The following EN2 variants were observed in gnomAD, a reference collection of about 807,000 sequenced individuals.
The protein encoded by EN2 is engrailed homeobox 2, also known as homeobox protein engrailed-2.
In EN2, 7 loss-of-function variants were observed where a neutral mutation model predicts 25.0. The ratio of observed to expected loss-of-function variants is 0.28; its 90% CI spans 0.16 to 0.53. The LOEUF (loss-of-function observed/expected upper bound fraction) is 0.53, where lower values mean the gene tolerates loss of function less well. Ranked by LOEUF, EN2 falls within the 20% of genes least tolerant of loss-of-function variation. The pLI, the probability that EN2 is intolerant of heterozygous loss-of-function variation, is 0.96. For missense variants in EN2, 524 were observed against 501.8 expected (o/e 1.04, Z -0.42); for synonymous variants, 277 against 243.3 (o/e 1.14, Z -1.29).
chr7:155,459,093 C>G (rs1047639677), intron 1 of EN2, 31 bp downstream of exon 1: 27 of 1,537,330 alleles, frequency 1.8e-5, no homozygotes, highest in Admixed American at 3.9e-5. Context: ...CGTCCCGGCT[C>G]GCCGCGGGGA....
In EN2 at chr7:155,464,370, C is replaced by G. The variant is rs1325010393; in HGVS notation, c.*1683C>G. ...CCAGGGGGTGTGCCCACGGCTGACC[C>G]AGGGGTGTGCACACGGCTGAGCTGG... On this transcript the variant is annotated 3_prime_UTR_variant, in exon 2 of 2. Transcript: ENST00000297375. The G allele has an allele frequency of 6.6e-6, 1 of 152,496 alleles. No individual in the cohort carries two copies. The highest frequency in any genetic ancestry group is 2.4e-5 in the African/African-American group (1 of 41,432). The allele number at this position is 152,496 out of a possible 1,614,324, so 9.4% of individuals were successfully genotyped here. A position where few individuals can be genotyped will look rare whatever the true frequency, so the allele number is the denominator to read the frequency against.
In EN2 at chr7:155,458,561, C is replaced by T. The variant is rs1308345689; in HGVS notation, c.184C>T (p.His62Tyr). The change falls in exon 1 of 2, where the codon CAC becomes TAC. Residue 62 changes from histidine (H) to tyrosine (Y), a missense_variant. Transcript: ENST00000297375. Reference protein sequence around the residue: ...AVLQAPGNHQHPHRITNFFID... With the variant: ...AVLQAPGNHQYPHRITNFFID... The stretch of plus-strand genomic sequence containing the variant: ...CCTGCAGGCGCCCGGCAACCACCAG[C>T]ACCCGCACCGCATCACCAACTTCTT... 2.1e-6 allele frequency: 3 copies of T among 1,461,104 alleles called. No homozygotes were observed. The highest frequency in any genetic ancestry group is 2.7e-6 in the Non-Finnish European group (3 of 1,103,680). 90.5% of individuals were successfully genotyped at this position (1,461,104 alleles called of 1,614,324 possible). A position where few individuals can be genotyped will look rare whatever the true frequency, so the allele number is the denominator to read the frequency against.
Position 155,458,428 on chromosome 7 carries a change from A to T in EN2, c.51A>T (p.Gly17=). ...GCGAAGCAGCGGCGGCGGTGGAGGG[A>T]CAGCGGCAGCCGGAATCCAGCCCCG... is the stretch of plus-strand genomic sequence containing the variant. ...KPGEAAAAVE[G]QRQPESSPGG... The change falls in exon 1 of 2, where the codon GGA becomes GGT. Residue 17 remains glycine, a synonymous_variant. Transcript: ENST00000297375. 1.5e-6 allele frequency: 2 copies of T among 1,304,294 alleles called. No individual in the cohort carries two copies. The allele number at this position is 1,304,294 out of a possible 1,614,324, so 80.8% of individuals were successfully genotyped here.
chr7:155,462,716 T>A lies in EN2; in HGVS notation c.*29T>A, dbSNP rs777673362. The A allele has an allele frequency of 1.9e-6, 3 of 1,545,250 alleles. No homozygotes were observed. Among genetic ancestry groups the A allele is most frequent in the South Asian group, 2.4e-5 (2 of 84,046 alleles). On this transcript the variant is annotated 3_prime_UTR_variant, in exon 2 of 2. Coordinates refer to ENST00000297375, the MANE Select transcript of EN2 (RefSeq NM_001427.4). The stretch of plus-strand genomic sequence containing the variant: ...GGGGGGCATGGAGGCCAGGTCTCAG[T>A]CCGCGCTAAACAATGCAATAATTTA...
intron 1 of EN2, among the ~76,000 whole-genome samples, chr7:155,459,343 T>A (rs967679653): frequency 1.3e-5 from 2 of 152,086 alleles, no homozygotes; most frequent in Non-Finnish European, 2.9e-5. Context: ...TCTCCCTGTC[T>A]CCCCTCTCTG....
At position 155,458,961 on chromosome 7, in the gene EN2, C is replaced by G. The variant is rs1322645611; in HGVS notation, c.584C>G (p.Ser195Trp). ...GLGGGDLSVS[S>W]DSDSSQAGAN... Reference sequence around the variant, plus strand: ...GGCGGCGGCGACCTGTCGGTGAGCTCGGACTCGGACAGCTCGCAAGCCGGC... The same window carrying G: ...GGCGGCGGCGACCTGTCGGTGAGCTGGGACTCGGACAGCTCGCAAGCCGGC... The change falls in exon 1 of 2, where the codon TCG (serine) becomes TGG (tryptophan). Residue 195 changes from serine (S) to tryptophan (W), a missense_variant. Coordinates refer to ENST00000297375, the MANE Select transcript of EN2 (RefSeq NM_001427.4). The G allele has an allele frequency of 2.6e-6, 4 of 1,530,936 alleles. No homozygotes were observed. In the South Asian group the frequency reaches 3.6e-5, roughly 14 times the overall value. 94.8% of individuals were successfully genotyped at this position (1,530,936 alleles called of 1,614,324 possible). A position where few individuals can be genotyped will look rare whatever the true frequency, so the allele number is the denominator to read the frequency against.
Position 155,458,495 on chromosome 7 carries a change from G to A in EN2, c.118G>A (p.Ala40Thr). 7.6e-7 allele frequency: 1 copy of A among 1,312,838 alleles called. No homozygotes were observed. Among genetic ancestry groups the A allele is most frequent in the Non-Finnish European group, 9.7e-7 (1 of 1,028,904 alleles). The allele number at this position is 1,312,838 out of a possible 1,614,324, so 81.3% of individuals were successfully genotyped here. ...GGGGGSSPGE[A>T]DTGRRRALML... The stretch of plus-strand genomic sequence containing the variant: ...CGGCGGCGGTAGCAGCCCGGGCGAA[G>A]CGGACACCGGGCGCCGGCGGGCTCT... Residue 40 changes from alanine (A) to threonine (T), a missense_variant, in exon 1 of 2, where the codon GCG (alanine) becomes ACG (threonine). Coordinates refer to ENST00000297375, the MANE Select transcript of EN2 (RefSeq NM_001427.4).
Position 155,459,061 on chromosome 7 carries a change from A to G in EN2, c.684A>G (p.Ser228=), listed in dbSNP as rs781388274. ...CGCGCTACTCGGACCGGCCTTCTTC[A>G]GGTGAGCCCGCGGGGACCACGCGTC... The part of the protein sequence containing the change: ...YCTRYSDRPS[S]GPRSRKPKKK... Residue 228 remains serine (S), a splice_region_variant and synonymous_variant, in exon 1 of 2, where the codon TCA becomes TCG. Coordinates refer to ENST00000297375, the MANE Select transcript of EN2 (RefSeq NM_001427.4). 1.3e-6 allele frequency: 2 copies of G among 1,573,698 alleles called. No individual in the cohort carries two copies. The highest frequency in any genetic ancestry group is 2.8e-5 in the African/African-American group (2 of 72,154).
rs1047714427 is a variant in EN2, at chr7:155,462,950, C to T, written c.*263C>T. 2 of 345,076 alleles carry T rather than the reference C, an allele frequency of 5.8e-6. No homozygotes were observed. Among genetic ancestry groups the T allele is most frequent in the African/African-American group, 2.1e-5 (1 of 46,618 alleles). The allele number at this position is 345,076 out of a possible 1,614,324, so 21.4% of individuals were successfully genotyped here. A position where few individuals can be genotyped will look rare whatever the true frequency, so the allele number is the denominator to read the frequency against. ...GTTTTTTTCTTTTTTGCGAAGGGGG[C>T]TGCTTAGGGTTTCACCTTTTTTTAA... On this transcript the variant is annotated 3_prime_UTR_variant, in exon 2 of 2. Transcript: ENST00000297375.
rs1209496912 is a variant in EN2 at position 155,458,244 on chromosome 7, G to C, written c.-134G>C. ...GACTTGTAGGACCTCAGCCCTGGCC[G>C]CGGCCGCCGCGCACGCCCTCGGAAG... On this transcript the variant is annotated 5_prime_UTR_variant, in exon 1 of 2. Transcript: ENST00000297375. The C allele has an allele frequency of 1.7e-6, 2 of 1,192,702 alleles. No individual in the cohort carries two copies. Among genetic ancestry groups the C allele is most frequent in the African/African-American group, 3.2e-5 (2 of 63,150 alleles). 73.9% of individuals were successfully genotyped at this position (1,192,702 alleles called of 1,614,324 possible).
chr7:155,458,813 G>T lies in EN2; in HGVS notation c.436G>T (p.Ala146Ser). ...APGAGGPLPAAGSDSPGDGEG... is the reference protein window; with the variant it reads ...APGAGGPLPASGSDSPGDGEG... ...CGGCGCGGGCGGGCCGCTCCCAGCC[G>T]CCGGCAGCGACTCTCCGGGTGACGG... is the stretch of plus-strand genomic sequence containing the variant. Residue 146 changes from alanine (A) to serine (S), a missense_variant, in exon 1 of 2, where the codon GCC becomes TCC. Coordinates refer to ENST00000297375, the MANE Select transcript of EN2 (RefSeq NM_001427.4). The T allele has an allele frequency of 5.0e-6, 7 of 1,412,494 alleles. No homozygotes were observed. Among genetic ancestry groups the T allele is most frequent in the Non-Finnish European group, 6.4e-6 (7 of 1,095,848 alleles). The allele number at this position is 1,412,494 out of a possible 1,614,324, so 87.5% of individuals were successfully genotyped here. A position where few individuals can be genotyped will look rare whatever the true frequency, so the allele number is the denominator to read the frequency against.
Position 155,461,608 on chromosome 7 carries a change from AG to A in EN2, c.686-760del, listed in dbSNP as rs1435354425. ...GTGAAGCAGTCCCATGTCTGGGGAA[AG>A]GGTGGTGCAGTCAACACCCTTGTAG... On this transcript the variant is annotated intron_variant, in intron 1 of 1. Coordinates refer to ENST00000297375, the MANE Select transcript of EN2 (RefSeq NM_001427.4). Among the ~76,000 whole-genome samples, 4 of 152,214 alleles carry A rather than the reference AG, an allele frequency of 2.6e-5. No individual in the cohort carries two copies. In the East Asian group the frequency reaches 7.7e-4, roughly 29 times the overall value.
chr7:155,458,557 C>T lies in EN2; in HGVS notation c.180C>T (p.His60=), dbSNP rs1340013972. ...LPAVLQAPGN[H]QHPHRITNFF... The stretch of plus-strand genomic sequence containing the variant: ...CGGTCCTGCAGGCGCCCGGCAACCA[C>T]CAGCACCCGCACCGCATCACCAACT... The change falls in exon 1 of 2, where the codon CAC becomes CAT. Residue 60 remains histidine (H), a synonymous_variant. Coordinates refer to ENST00000297375, the MANE Select transcript of EN2 (RefSeq NM_001427.4). The T allele has an allele frequency of 7.0e-7, 1 of 1,434,152 alleles. No individual in the cohort carries two copies. Among genetic ancestry groups the T allele is most frequent in the Admixed American group, 2.5e-5 (1 of 39,494 alleles). The allele number at this position is 1,434,152 out of a possible 1,614,324, so 88.8% of individuals were successfully genotyped here.
chr7:155,462,879 ATTTT>A lies in EN2; in HGVS notation c.*196_*199del. On this transcript the variant is annotated 3_prime_UTR_variant, in exon 2 of 2. Transcript: ENST00000297375. Reference sequence around the variant, plus strand: ...AATCCAAAATATCTGACTATAAAATATTTTTTTGAGTTTTTTGTGTTTATGAGAT... The same window carrying A: ...AATCCAAAATATCTGACTATAAAATATTTGAGTTTTTTGTGTTTATGAGAT... 1 of 696,056 alleles carries A rather than the reference ATTTT, an allele frequency of 1.4e-6. No homozygotes were observed. Among genetic ancestry groups the A allele is most frequent in the Non-Finnish European group, 2.1e-6 (1 of 475,576 alleles). The allele number at this position is 696,056 out of a possible 1,614,324, so 43.1% of individuals were successfully genotyped here. A position where few individuals can be genotyped will look rare whatever the true frequency, so the allele number is the denominator to read the frequency against.
chr7:155,458,174 C>G lies in EN2; in HGVS notation c.-204C>G. ...CGGGGCGGCTCGTGGTGTTTCTAAC[C>G]CAGTTCGTGGATTCAAAGGTGGCTC... is the stretch of plus-strand genomic sequence containing the variant. On this transcript the variant is annotated 5_prime_UTR_variant, in exon 1 of 2. Coordinates refer to ENST00000297375, the MANE Select transcript of EN2 (RefSeq NM_001427.4). The G allele has an allele frequency of 1.9e-6, 1 of 531,130 alleles. No homozygotes were observed. Among genetic ancestry groups the G allele is most frequent in the Non-Finnish European group, 2.9e-6 (1 of 344,264 alleles). 32.9% of individuals were successfully genotyped at this position (531,130 alleles called of 1,614,324 possible). A position where few individuals can be genotyped will look rare whatever the true frequency, so the allele number is the denominator to read the frequency against.
Position 155,458,517 on chromosome 7 carries a change from C to T in EN2, c.140C>T (p.Ala47Val), listed in dbSNP as rs1795654765. Residue 47 changes from alanine (A) to valine (V), a missense_variant, in exon 1 of 2, where the codon GCT (alanine) becomes GTT (valine). Coordinates refer to ENST00000297375, the MANE Select transcript of EN2 (RefSeq NM_001427.4). ...PGEADTGRRR[A>V]LMLPAVLQAP... ...GAAGCGGACACCGGGCGCCGGCGGG[C>T]TCTGATGCTGCCCGCGGTCCTGCAG... 3.1e-5 allele frequency: 42 copies of T among 1,346,986 alleles called. No individual in the cohort carries two copies. The highest frequency in any genetic ancestry group is 3.9e-5 in the Non-Finnish European group (41 of 1,048,198). The allele number at this position is 1,346,986 out of a possible 1,614,324, so 83.4% of individuals were successfully genotyped here.
intron 1 of EN2, 22 bp downstream of exon 1, chr7:155,459,084 G>A: frequency 6.5e-7 from 1 of 1,548,090 alleles, no homozygotes; most frequent in Non-Finnish European, 8.6e-7. Context: ...GGGACCACGC[G>A]TCCCGGCTCG....
At chr7:155,462,269 C>G in intron 1 of EN2, 102 bp from the exon 2 acceptor site, 1 of 1,344,374 alleles carries the variant, frequency 7.4e-7, no homozygotes, top group Non-Finnish European at 1.0e-6. Flanking sequence ...TGGCCTTGGG[C>G]GAGTCACTTC....
chr7:155,464,017 C>CAT lies in EN2; in HGVS notation c.*1331_*1332insTA, dbSNP rs1554442987. The CAT allele has an allele frequency of 6.7e-6, 1 of 150,286 alleles. No homozygotes were observed. Among genetic ancestry groups the CAT allele is most frequent in the Non-Finnish European group, 1.5e-5 (1 of 67,604 alleles). 9.3% of individuals were successfully genotyped at this position (150,286 alleles called of 1,614,324 possible). A position where few individuals can be genotyped will look rare whatever the true frequency, so the allele number is the denominator to read the frequency against. ...GTGAACACACACACACACACACACA[C>CAT]ACCAGGCGTGTTTGAGTCCACAGTT... On this transcript the variant is annotated 3_prime_UTR_variant, in exon 2 of 2. Coordinates refer to ENST00000297375, the MANE Select transcript of EN2 (RefSeq NM_001427.4).
Sources: allele counts gnomAD v4.1 joint callset (sites outside exome capture counted in the v4.1 genomes callset), GRCh38; gene constraint gnomAD v4.1.1; transcripts MANE v1.5; gene names NCBI Gene and HGNC (gene_info 2026-07-23, HGNC 2026-07-21).